SYNPR: variants seen among roughly 807,000 people sequenced by gnomAD.
The protein encoded by SYNPR is synaptoporin.
A neutral mutation model predicts 32.9 loss-of-function variants in SYNPR; 23 were observed. That is an observed-to-expected ratio of 0.70 (90% CI 0.50 to 0.99). The LOEUF is 0.99. Ranked by LOEUF, SYNPR falls within the 50% of genes least tolerant of loss-of-function variation. SYNPR has a pLI of 0.00. For missense variants in SYNPR, 318 were observed against 349.3 expected, an observed-to-expected ratio of 0.91 and a Z score of 0.71; for synonymous variants, 146 against 135.9, an observed-to-expected ratio of 1.07 and a Z score of -0.52.
intron 2 of SYNPR, among the ~76,000 whole-genome samples, chr3:63,329,362 A>C (rs1363033000): frequency 6.6e-6 from 1 of 152,126 alleles, no homozygotes; most frequent in Non-Finnish European, 1.5e-5. Flanking sequence ...AACTACCCCA[A>C]AGTGGCACAG....
chr3:63,466,990 T>TTTTA (rs1402702411), intron 2 of SYNPR, among the ~76,000 whole-genome samples: 1 of 152,096 alleles, frequency 6.6e-6, no homozygotes, highest in African/African-American at 2.4e-5. Context: ...AGCTGAATAC[T>TTTTA]TTTATTTATT....
At chr3:63,409,648 G>A (rs1295321254) in intron 2 of SYNPR, among the ~76,000 whole-genome samples, 6 of 152,146 alleles carry the variant, frequency 3.9e-5, no homozygotes, top group Admixed American at 3.9e-4. Context: ...CTTCAGATAT[G>A]TATTGAATGT....
chr3:63,442,986 G>A, intron 2 of SYNPR: 2 of 984,348 alleles, frequency 2.0e-6, no homozygotes, highest in Admixed American at 1.2e-4. Flanking sequence ...AAATCTCCTA[G>A]TTTGTTTTTA....
chr3:63,545,067 C>T (rs1337439420), intron 3 of SYNPR, among the ~76,000 whole-genome samples: 2 of 149,924 alleles, frequency 1.3e-5, no homozygotes, highest in East Asian at 3.9e-4. Context: ...TTCCATTGGA[C>T]ACAAAATGGA....
In SYNPR at chr3:63,537,990, C is replaced by T. The variant is rs181318265; in HGVS notation, c.210-18553C>T. On this transcript the variant is annotated intron_variant, in intron 3 of 5. Coordinates refer to ENST00000478300, the MANE Select transcript of SYNPR (RefSeq NM_001130003.2). ...TAAGAGTTGAATCATGAATCTATTG[C>T]CATAGGACATACAGCCTCTGGTGGA... 5.3e-5 allele frequency among the ~76,000 whole-genome samples: 8 copies of T among 152,186 alleles called. No individual in the cohort carries two copies. The South Asian group carries it at 1.5e-3, about 28-fold the overall frequency.
intron 4 of SYNPR, among the ~76,000 whole-genome samples, chr3:63,593,112 G>A (rs1474069767): frequency 2.0e-5 from 3 of 151,980 alleles, no homozygotes; most frequent in Non-Finnish European, 4.4e-5. Flanking sequence ...TGAAGATCAA[G>A]CAGAATAATG....
At chr3:63,490,965 T>C (rs923282808) in intron 3 of SYNPR, among the ~76,000 whole-genome samples, 21 of 152,250 alleles carry the variant, frequency 1.4e-4, no homozygotes, top group Middle Eastern at 3.4e-3. Flanking sequence ...GGTTTCACCA[T>C]GTTGGCAAGG....
intron 2 of SYNPR, chr3:63,423,792 C>G (rs1699842914): frequency 6.6e-6 from 1 of 152,204 alleles, no homozygotes; most frequent in Admixed American, 6.5e-5. Context: ...CATTCTGTTA[C>G]CAGCAGAATA....
chr3:63,613,871 G>A (rs1277180210), intron 5 of SYNPR, among the ~76,000 whole-genome samples: 1 of 152,082 alleles, frequency 6.6e-6, no homozygotes, highest in Non-Finnish European at 1.5e-5. Context: ...AGGTAGCAGG[G>A]CAAGAAAGTA....
chr3:63,378,411 ATTC>A (rs922509969), intron 2 of SYNPR, among the ~76,000 whole-genome samples: 14 of 151,932 alleles, frequency 9.2e-5, no homozygotes, highest in African/African-American at 3.4e-4. Flanking sequence ...TGAAAAGGCT[ATTC>A]TTCTTCTTTT....
chr3:63,400,249 C>T (rs1011027659), intron 2 of SYNPR, among the ~76,000 whole-genome samples: 11 of 152,166 alleles, frequency 7.2e-5, no homozygotes, highest in African/African-American at 2.7e-4. Context: ...ACAAAATACC[C>T]CAAAACATAA....
chr3:63,480,928 A>G lies in SYNPR; in HGVS notation c.181A>G (p.Ile61Val). 1 of 1,613,340 alleles carries G rather than the reference A, an allele frequency of 6.2e-7. No homozygotes were observed. Among genetic ancestry groups the G allele is most frequent in the Admixed American group, 1.7e-5 (1 of 59,970 alleles). Residue 61 changes from isoleucine (I) to valine (V), a missense_variant, in exon 3 of 6, where the codon ATC becomes GTC. Ile to Val is a conservative substitution (Grantham distance 29). Transcript: ENST00000478300. The part of the protein sequence containing the change: ...CVNKTESNLS[I>V]DIAFAYPFRL... ...CAACAAGACAGAAAGTAACCTCAGC[A>G]TCGACATAGCGTTTGCCTACCCATT...
At chr3:63,497,964 C>T (rs906853538) in intron 3 of SYNPR, among the ~76,000 whole-genome samples, 6 of 151,990 alleles carry the variant, frequency 3.9e-5, no homozygotes, top group African/African-American at 1.2e-4. Context: ...TTTTATAATG[C>T]TTTTTAGAAG....
At chr3:63,603,577 C>T (rs1436978024) in intron 4 of SYNPR, among the ~76,000 whole-genome samples, 1 of 152,110 alleles carries the variant, frequency 6.6e-6, no homozygotes, top group African/African-American at 2.4e-5. Context: ...TTATTGGAAG[C>T]ATTTTCTGCA....
intron 2 of SYNPR, among the ~76,000 whole-genome samples, chr3:63,392,393 A>G (rs1429030202): frequency 6.6e-6 from 1 of 152,194 alleles, no homozygotes; most frequent in African/African-American, 2.4e-5. Context: ...CATACACGCA[A>G]AAGAACCTCT....
At chr3:63,457,215 G>C (rs1170478310) in intron 2 of SYNPR, among the ~76,000 whole-genome samples, 1 of 152,068 alleles carries the variant, frequency 6.6e-6, no homozygotes, top group Non-Finnish European at 1.5e-5. Context: ...TTAACTTCCT[G>C]ATGAACTCTT....
At chr3:63,220,934 C>A in the SYNPR span, among the ~76,000 whole-genome samples, 7 of 152,130 alleles carry the variant, frequency 4.6e-5, no homozygotes, top group Non-Finnish European at 1.0e-4. Context: ...GTTTTATAAC[C>A]AATATGCAAT....
At chr3:63,280,193 G>C (rs2086615180) in intron 2 of SYNPR, among the ~76,000 whole-genome samples, 1 of 152,078 alleles carries the variant, frequency 6.6e-6, no homozygotes, top group African/African-American at 2.4e-5. Flanking sequence ...ATATTAGTTC[G>C]TGTACACACC....
At chr3:63,364,329 T>A (rs558043233) in intron 2 of SYNPR, among the ~76,000 whole-genome samples, 1 of 152,304 alleles carries the variant, frequency 6.6e-6, no homozygotes, top group East Asian at 1.9e-4. Flanking sequence ...ATGAGATAAG[T>A]GGATACAACA....
Sources: allele counts gnomAD v4.1 joint callset (sites outside exome capture counted in the v4.1 genomes callset), GRCh38; gene constraint gnomAD v4.1.1; transcripts MANE v1.5; gene names NCBI Gene and HGNC (gene_info 2026-07-23, HGNC 2026-07-21).